TNN: variants seen among roughly 807,000 people sequenced by gnomAD.
TNN encodes the protein tenascin N.
TNN carries 122 observed loss-of-function variants against 134.4 expected under a neutral mutation model. The ratio of observed to expected loss-of-function variants is 0.91; its 90% CI spans 0.78 to 1.06. The LOEUF is 1.06. TNN is among the 50% of genes least tolerant of loss of function. The pLI is 0.00. For synonymous variants in TNN, 710 were observed against 670.3 expected, an observed-to-expected ratio of 1.06 and a Z score of -0.91; for missense variants, 1,739 against 1,699.4, an observed-to-expected ratio of 1.02 and a Z score of -0.41.
chr1:175,071,682 C>T (rs1315686796), intron 1 of TNN, among the ~76,000 whole-genome samples: 1 of 152,178 alleles, frequency 6.6e-6, no homozygotes, highest in Non-Finnish European at 1.5e-5. Context: ...GTGGACAGAC[C>T]TGGTGTGTGA....
Position 175,098,362 on chromosome 1 carries a change from A to C in TNN, c.1886A>C (p.Asp629Ala). The C allele has an allele frequency of 6.2e-7, 1 of 1,614,210 alleles. No individual in the cohort carries two copies. Residue 629 changes from aspartate to alanine, a missense_variant, in exon 9 of 19, where the codon GAC (aspartate) becomes GCC (alanine). Physicochemically the swap from Asp to Ala is moderately radical, Grantham distance 126 (BLOSUM62 -2). Transcript: ENST00000239462. Reference sequence around the variant, plus strand: ...GACAGCCCCAAAAACCTGGTGACTGACCGGGTGACAGAGAATATGGCCACG... The same window carrying C: ...GACAGCCCCAAAAACCTGGTGACTGCCCGGGTGACAGAGAATATGGCCACG... ...DIDSPKNLVT[D>A]RVTENMATVS...
intron 13 of TNN, among the ~76,000 whole-genome samples, chr1:175,127,572 A>G (rs1675562839): frequency 6.6e-6 from 1 of 152,236 alleles, no homozygotes; most frequent in East Asian, 1.9e-4. Context: ...CCCTATGTTT[A>G]TAGAGGAAGT....
chr1:175,146,672 C>G (rs888053947), intron 18 of TNN, among the ~76,000 whole-genome samples: 1 of 152,002 alleles, frequency 6.6e-6, no homozygotes, highest in East Asian at 1.9e-4. Flanking sequence ...CCCCCTTGCT[C>G]CCACCATAGA....
chr1:175,074,774 C>T (rs1673999935), intron 1 of TNN, among the ~76,000 whole-genome samples: 1 of 152,192 alleles, frequency 6.6e-6, no homozygotes, highest in Non-Finnish European at 1.5e-5. Flanking sequence ...TGTCACATCC[C>T]TTGGGTACAA....
chr1:175,128,994 C>A (rs1188205589), intron 15 of TNN, among the ~76,000 whole-genome samples: 1 of 152,050 alleles, frequency 6.6e-6, no homozygotes, highest in Non-Finnish European at 1.5e-5. Context: ...GTCCACAATG[C>A]AAAGCAAAAG....
At chr1:175,139,268 C>A (rs1319872096) in intron 17 of TNN, among the ~76,000 whole-genome samples, 2 of 152,126 alleles carry the variant, frequency 1.3e-5, no homozygotes, top group Non-Finnish European at 2.9e-5. Context: ...TTTTTTGACT[C>A]CTTTGGAGTA....
intron 9 of TNN, among the ~76,000 whole-genome samples, chr1:175,102,361 G>T (rs866767564): frequency 6.8e-6 from 1 of 146,152 alleles, no homozygotes; most frequent in Non-Finnish European, 1.5e-5. Flanking sequence ...GATGGTATTC[G>T]TCGGGGAGGC....
rs186277805 is a variant in TNN, at chr1:175,101,275, G to A, written c.2119+2680G>A. ...ATCAGGAGTGAAGCTGCAGACCTTC[G>A]CGGTGAGTGTTACAGCTCTTAAGGC... On this transcript the variant is annotated intron_variant, in intron 9 of 18. Transcript: ENST00000239462. 6.5e-4 allele frequency among the ~76,000 whole-genome samples: 99 copies of A among 152,142 alleles called. 3 individuals are homozygous for A. The East Asian group carries it at 0.012, about 18-fold the overall frequency.
At chr1:175,146,150 A>C (rs1676064331) in intron 18 of TNN, among the ~76,000 whole-genome samples, 1 of 152,192 alleles carries the variant, frequency 6.6e-6, no homozygotes, top group African/African-American at 2.4e-5. Flanking sequence ...GGGTGGGCCC[A>C]TGAATCATGG....
intron 15 of TNN, among the ~76,000 whole-genome samples, chr1:175,132,652 T>C (rs1675703659): frequency 6.6e-6 from 1 of 152,224 alleles, no homozygotes; most frequent in Admixed American, 6.5e-5. Flanking sequence ...GCTCTTCTCT[T>C]CCCTTCCATT....
intron 9 of TNN, among the ~76,000 whole-genome samples, chr1:175,102,570 C>T (rs1296151153): frequency 6.8e-6 from 1 of 146,014 alleles, no homozygotes; most frequent in African/African-American, 2.5e-5. Flanking sequence ...TGCCCGGGGC[C>T]AGCAGGGCTG....
intron 15 of TNN, among the ~76,000 whole-genome samples, chr1:175,131,746 C>T (rs938613881): frequency 8.5e-5 from 13 of 152,056 alleles, no homozygotes; most frequent in Admixed American, 2.0e-4. Context: ...GATTTAAGAT[C>T]GTGACGGAGA....
intron 11 of TNN, among the ~76,000 whole-genome samples, chr1:175,122,764 G>A (rs1476014224): frequency 6.6e-6 from 1 of 152,218 alleles, no homozygotes; most frequent in Admixed American, 6.5e-5. Flanking sequence ...TCAGTTTAAG[G>A]TTGCAGAGAA....
chr1:175,083,192 T>C (rs1174120315), intron 4 of TNN, among the ~76,000 whole-genome samples: 3 of 152,232 alleles, frequency 2.0e-5, no homozygotes, highest in African/African-American at 7.2e-5. Flanking sequence ...TTTATAGTTT[T>C]GCCTAGGGTT....
chr1:175,132,584 T>C (rs1675701846), intron 15 of TNN, among the ~76,000 whole-genome samples: 1 of 152,228 alleles, frequency 6.6e-6, no homozygotes, highest in Non-Finnish European at 1.5e-5. Flanking sequence ...TCTTGCCTAT[T>C]TATAGAACAT....
In TNN at chr1:175,128,183, C is replaced by A; in HGVS notation, c.3178+19C>A. The A allele has an allele frequency of 6.4e-7, 1 of 1,570,468 alleles. No homozygotes were observed. On this transcript the variant is annotated intron_variant, in intron 14 of 18. Coordinates refer to ENST00000239462, the MANE Select transcript of TNN (RefSeq NM_022093.2). ...TCCACAGGTAATATGGAATCCTGTA[C>A]TCTGAACGACCGTGCAATGAGAACC...
chr1:175,090,795 A>G (rs967912460), intron 6 of TNN, among the ~76,000 whole-genome samples: 1 of 152,306 alleles, frequency 6.6e-6, no homozygotes, highest in Admixed American at 6.5e-5. Flanking sequence ...TAACTAACGT[A>G]TGTACTCACA....
Position 175,079,558 on chromosome 1 carries a change from G to C in TNN, c.635G>C (p.Cys212Ser), listed in dbSNP as rs747981560. Residue 212 changes from cysteine (C) to serine (S), a missense_variant, in exon 3 of 19, where the codon TGC (cysteine) becomes TCC (serine). Physicochemically the swap from Cys to Ser is moderately radical, Grantham distance 112 (BLOSUM62 -1). Transcript: ENST00000239462. ...GAGAACTGCAGCGGACACGGCGAGT[G>C]CGTGCGCGGCGTGTGCCAGTGCCAC... ...CPENCSGHGE[C>S]VRGVCQCHED... 2 of 1,574,718 alleles carry C rather than the reference G, an allele frequency of 1.3e-6. No individual in the cohort carries two copies. The highest frequency in any genetic ancestry group is 3.7e-5 in the Admixed American group (2 of 54,464).
chr1:175,128,788 C>T (rs766040037), intron 15 of TNN, 42 bp downstream of exon 15: 1 of 1,560,454 alleles, frequency 6.4e-7, no homozygotes, highest in Non-Finnish European at 8.7e-7. Flanking sequence ...GTAGGGCCTT[C>T]CTTCTCAGCC....
Sources: allele counts gnomAD v4.1 joint callset (sites outside exome capture counted in the v4.1 genomes callset), GRCh38; gene constraint gnomAD v4.1.1; transcripts MANE v1.5; gene names NCBI Gene and HGNC (gene_info 2026-07-23, HGNC 2026-07-21).